The following TRIM44 variants were observed in gnomAD, a reference collection of about 807,000 sequenced individuals.
The protein encoded by TRIM44 is tripartite motif-containing protein 44.
A neutral mutation model predicts 37.4 loss-of-function variants in TRIM44; 13 were observed. The observed-to-expected ratio is 0.35, with a 90% CI of 0.23 to 0.55. The LOEUF (loss-of-function observed/expected upper bound fraction) is 0.55, where lower values mean the gene tolerates loss of function less well. TRIM44 is among the 20% of genes least tolerant of loss of function. The probability of loss-of-function intolerance (pLI) is 0.89; values close to 1 mark genes in which losing one functional copy is unlikely to be tolerated. For missense variants in TRIM44, 426 were observed against 437.2 expected (o/e 0.97, Z 0.23); for synonymous variants, 175 against 157.2 (o/e 1.11, Z -0.85).
Position 35,806,617 on chromosome 11 carries a change from T to G in TRIM44, c.*232T>G, listed in dbSNP as rs1373283877. 3 of 534,118 alleles carry G rather than the reference T, an allele frequency of 5.6e-6. No individual in the cohort carries two copies. Among genetic ancestry groups the G allele is most frequent in the Non-Finnish European group, 1.0e-5 (3 of 299,684 alleles). 33.1% of individuals were successfully genotyped at this position (534,118 alleles called of 1,614,324 possible). A position where few individuals can be genotyped will look rare whatever the true frequency, so the allele number is the denominator to read the frequency against. ...AGGTCAAGGAAAAGAGCCCCTTTGA[T>G]CCACCAGGAGCAATTAAGAAAGGTC... On this transcript the variant is annotated 3_prime_UTR_variant, in exon 5 of 5. Transcript: ENST00000299413.
intron 1 of TRIM44, among the ~76,000 whole-genome samples, chr11:35,664,504 G>A (rs896902342): frequency 1.3e-5 from 2 of 152,204 alleles, no homozygotes; most frequent in African/African-American, 4.8e-5. Context: ...GAGAGAAACT[G>A]CTGGTGTTAA....
intron 1 of TRIM44, among the ~76,000 whole-genome samples, chr11:35,674,235 C>CATGTGTGT (rs1554924870): frequency 2.2e-4 from 33 of 149,880 alleles, no homozygotes; most frequent in African/African-American, 7.8e-4. Flanking sequence ...AGAGAATTTG[C>CATGTGTGT]GTGTGTGTGT....
chr11:35,744,588 G>A (rs1478814909), intron 4 of TRIM44, among the ~76,000 whole-genome samples: 1 of 151,852 alleles, frequency 6.6e-6, no homozygotes, highest in African/African-American at 2.4e-5. Flanking sequence ...AAGTTCAGGG[G>A]TACATGTGCA....
intron 4 of TRIM44, among the ~76,000 whole-genome samples, chr11:35,804,300 T>G (rs191565154): frequency 6.6e-6 from 1 of 152,292 alleles, no homozygotes; most frequent in East Asian, 1.9e-4. Flanking sequence ...ACTCTCCAAA[T>G]ATTATAGTAA....
chr11:35,662,834 G>A lies in TRIM44; in HGVS notation c.-278G>A. Reference sequence around the variant, plus strand: ...GCTGAGCGGGCGGCGCGACGCGGGGGCCGACGGGGGCGCCGGGTGGCCGCG... The same window carrying A: ...GCTGAGCGGGCGGCGCGACGCGGGGACCGACGGGGGCGCCGGGTGGCCGCG... On this transcript the variant is annotated 5_prime_UTR_variant, in exon 1 of 5. Transcript: ENST00000299413. 3.2e-6 allele frequency: 1 copy of A among 317,088 alleles called. No individual in the cohort carries two copies. Among genetic ancestry groups the A allele is most frequent in the Admixed American group, 5.3e-5 (1 of 18,880 alleles). 19.6% of individuals were successfully genotyped at this position (317,088 alleles called of 1,614,324 possible).
chr11:35,702,126 T>C (rs1367924932), intron 2 of TRIM44, among the ~76,000 whole-genome samples: 1 of 152,224 alleles, frequency 6.6e-6, no homozygotes, highest in Non-Finnish European at 1.5e-5. Flanking sequence ...TACATGTGAC[T>C]AAACCTAGAA....
chr11:35,756,139 A>G (rs1397453958), intron 4 of TRIM44, among the ~76,000 whole-genome samples: 1 of 152,222 alleles, frequency 6.6e-6, no homozygotes, highest in African/African-American at 2.4e-5. Context: ...ACGCATGAGC[A>G]TGGAATGTTC....
intron 2 of TRIM44, among the ~76,000 whole-genome samples, chr11:35,701,231 C>T (rs1325855728): frequency 1.3e-5 from 2 of 152,072 alleles, no homozygotes; most frequent in Non-Finnish European, 2.9e-5. Flanking sequence ...ATTTCCAATT[C>T]CTGGGGTTCC....
At chr11:35,672,081 G>A (rs570160180) in intron 1 of TRIM44, among the ~76,000 whole-genome samples, 1 of 152,262 alleles carries the variant, frequency 6.6e-6, no homozygotes, top group South Asian at 2.1e-4. Flanking sequence ...AAGGGAATTT[G>A]CATTCAGAGA....
chr11:35,684,407 G>C (rs2135490282), intron 1 of TRIM44, among the ~76,000 whole-genome samples: 1 of 152,206 alleles, frequency 6.6e-6, no homozygotes, highest in Non-Finnish European at 1.5e-5. Context: ...ACTCACATTA[G>C]TCTTTTATTG....
At chr11:35,799,160 G>C (rs1330302788) in intron 4 of TRIM44, among the ~76,000 whole-genome samples, 1 of 152,232 alleles carries the variant, frequency 6.6e-6, no homozygotes, top group Admixed American at 6.5e-5. Flanking sequence ...CTATTGCAGG[G>C]CACTGCCTGG....
intron 1 of TRIM44, among the ~76,000 whole-genome samples, chr11:35,676,923 C>T (rs1168312338): frequency 1.3e-5 from 2 of 152,160 alleles, no homozygotes; most frequent in East Asian, 1.9e-4. Context: ...AATTTTGAGA[C>T]TGTTGTTTTG....
At chr11:35,760,734 A>T (rs2970328) in intron 4 of TRIM44, among the ~76,000 whole-genome samples, 151,848 of 152,366 alleles carry the variant, frequency 1, 75,667 homozygotes, top group Middle Eastern at 1. Context: ...ACATATACAT[A>T]GCTGAATGGT....
chr11:35,685,747 T>A (rs1327120663), intron 2 of TRIM44, among the ~76,000 whole-genome samples: 1 of 152,084 alleles, frequency 6.6e-6, no homozygotes. Flanking sequence ...CACTACAGCC[T>A]CCGCCTGCCG....
At chr11:35,759,359 T>C (rs1852692268) in intron 4 of TRIM44, among the ~76,000 whole-genome samples, 1 of 152,216 alleles carries the variant, frequency 6.6e-6, no homozygotes, top group Non-Finnish European at 1.5e-5. Context: ...ATCAGGTCCT[T>C]TAAGGACCTC....
intron 3 of TRIM44, among the ~76,000 whole-genome samples, chr11:35,732,387 G>C (rs946981536): frequency 6.6e-6 from 1 of 152,112 alleles, no homozygotes; most frequent in African/African-American, 2.4e-5. Context: ...ATGGAAGTTG[G>C]TATTTAATAG....
At chr11:35,789,698 TCTTA>T (rs1170784394) in intron 4 of TRIM44, among the ~76,000 whole-genome samples, 3 of 152,116 alleles carry the variant, frequency 2.0e-5, no homozygotes, top group Non-Finnish European at 4.4e-5. Context: ...AGTTAAGCCG[TCTTA>T]GAGGGCGACC....
chr11:35,686,730 G>A (rs1851586682), intron 2 of TRIM44, among the ~76,000 whole-genome samples: 1 of 151,920 alleles, frequency 6.6e-6, no homozygotes, highest in African/African-American at 2.4e-5. Context: ...CTAACTTTTT[G>A]TGTTTTTACT....
intron 4 of TRIM44, among the ~76,000 whole-genome samples, chr11:35,754,047 T>A (rs938029876): frequency 1.8e-4 from 26 of 145,174 alleles, no homozygotes; most frequent in Non-Finnish European, 2.4e-4. Flanking sequence ...GTCTCAAATT[T>A]AAAAAAAAAA....
Sources: gnomAD v4.1 joint callset for allele counts (sites outside exome capture counted in the v4.1 genomes callset) on GRCh38, gnomAD v4.1.1 for gene constraint, MANE v1.5 for transcripts, NCBI Gene and HGNC (gene_info 2026-07-23, HGNC 2026-07-21) for gene names.